Variants in CTBP2 observed in about 807,000 individuals in gnomAD.
The protein encoded by CTBP2 is C-terminal binding protein 2.
A neutral mutation model predicts 80.3 loss-of-function variants in CTBP2; 30 were observed. The ratio of observed to expected loss-of-function variants is 0.37; its 90% CI spans 0.28 to 0.51. CTBP2 has a LOEUF of 0.51. CTBP2 is among the 20% of genes least tolerant of loss of function. The pLI, the probability that CTBP2 is intolerant of heterozygous loss-of-function variation, is 0.93. For synonymous variants in CTBP2, 594 were observed against 587.4 expected, an observed-to-expected ratio of 1.01 and a Z score of -0.16; for missense variants, 1,212 against 1,375.3, an observed-to-expected ratio of 0.88 and a Z score of 1.88.
chr10:125,093,337 C>A (rs779061331), intron 2 of CTBP2, among the ~76,000 whole-genome samples: 14 of 152,182 alleles, frequency 9.2e-5, no homozygotes, highest in African/African-American at 2.9e-4. Flanking sequence ...AGAATTCCAG[C>A]GGCCAAATGT....
intron 2 of CTBP2, among the ~76,000 whole-genome samples, chr10:125,094,393 A>G (rs1849237075): frequency 6.6e-6 from 1 of 152,200 alleles, no homozygotes; most frequent in Non-Finnish European, 1.5e-5. Flanking sequence ...TTCCATCTGC[A>G]ATCAAGGAGA....
chr10:125,030,596 A>C (rs1380562844), upstream of CTBP2, among the ~76,000 whole-genome samples: 3 of 152,254 alleles, frequency 2.0e-5, no homozygotes, highest in African/African-American at 7.2e-5. Context: ...AAACTGCTTG[A>C]AATGAGAGAG....
intron 2 of CTBP2, among the ~76,000 whole-genome samples, chr10:125,062,291 A>G (rs1282200922): frequency 6.6e-6 from 1 of 152,222 alleles, no homozygotes; most frequent in Non-Finnish European, 1.5e-5. Flanking sequence ...CTTTTATTTT[A>G]GGAAAATACA....
intron 4 of CTBP2, chr10:124,996,412 C>T (rs1317994371): frequency 6.6e-6 from 1 of 152,296 alleles, no homozygotes; most frequent in Non-Finnish European, 1.5e-5. Flanking sequence ...CAGCGACAGT[C>T]CTGAAGGCTA....
chr10:125,049,018 C>G (rs1021825060), intron 2 of CTBP2, among the ~76,000 whole-genome samples: 1 of 150,446 alleles, frequency 6.6e-6, no homozygotes, highest in East Asian at 2.0e-4. Context: ...AATGTGCTCT[C>G]TGGCCTCAAT....
At chr10:125,154,147 T>C (rs1459815154) in intron 1 of CTBP2, among the ~76,000 whole-genome samples, 1 of 152,246 alleles carries the variant, frequency 6.6e-6, no homozygotes, top group African/African-American at 2.4e-5. Context: ...AGGAGAGCTT[T>C]GGAGGAAGCA....
At chr10:125,136,236 C>T (rs1042700945) in intron 1 of CTBP2, among the ~76,000 whole-genome samples, 1 of 152,150 alleles carries the variant, frequency 6.6e-6, no homozygotes, top group Non-Finnish European at 1.5e-5. Flanking sequence ...GGGAGGGAGG[C>T]CCAGGCTGGC....
intron 1 of CTBP2, among the ~76,000 whole-genome samples, chr10:125,025,753 C>A (rs1444011534): frequency 1.3e-5 from 2 of 152,216 alleles, no homozygotes; most frequent in African/African-American, 4.8e-5. Flanking sequence ...GAGCTCAAGG[C>A]TGCAGTCTGT....
At chr10:125,020,496 GAGAC>G (rs1008943102) in intron 1 of CTBP2, among the ~76,000 whole-genome samples, 1 of 152,238 alleles carries the variant, frequency 6.6e-6, no homozygotes. Flanking sequence ...GGGCCTTGTG[GAGAC>G]AGACAGAAGA....
chr10:125,076,977 G>A (rs1846362052), intron 2 of CTBP2, among the ~76,000 whole-genome samples: 1 of 152,174 alleles, frequency 6.6e-6, no homozygotes. Context: ...TAACCCTGCA[G>A]TGATGTCATC....
At chr10:125,020,733 C>T (rs183488434) in intron 1 of CTBP2, among the ~76,000 whole-genome samples, 10 of 152,330 alleles carry the variant, frequency 6.6e-5, no homozygotes, top group South Asian at 6.2e-4. Flanking sequence ...CAGCCTGTTA[C>T]GCACAAGGCC....
exon 1 of CTBP2, chr10:125,160,408 C>CGGCGGT (rs1255009572): frequency 5.4e-4 from 78 of 145,040 alleles, no homozygotes; most frequent in African/African-American, 8.7e-4. Context: ...CCCCACCCGG[C>CGGCGGT]GGCGGTGGCG....
intron 1 of CTBP2, among the ~76,000 whole-genome samples, chr10:125,010,303 A>G (rs1253931020): frequency 6.6e-6 from 1 of 151,052 alleles, no homozygotes. Flanking sequence ...TTCATTTGGC[A>G]AATGGGCTTT....
At chr10:125,008,142 C>T (rs11593113) in intron 1 of CTBP2, among the ~76,000 whole-genome samples, 11,257 of 152,232 alleles carry the variant, frequency 0.074, 546 homozygotes, top group Admixed American at 0.14. Context: ...GACAGGGTTT[C>T]GCGATGTTGG....
intron 2 of CTBP2, among the ~76,000 whole-genome samples, chr10:125,106,254 G>A (rs1851438005): frequency 7.0e-6 from 1 of 143,196 alleles, no homozygotes; most frequent in South Asian, 2.2e-4. Context: ...CCACAACCCT[G>A]GGTGTGGGGA....
At position 125,022,519 on chromosome 10, in the gene CTBP2, A is replaced by G. The variant is rs138419308; in HGVS notation, c.1678+3563T>C. 7.0e-5 allele frequency among the ~76,000 whole-genome samples: 10 copies of G among 143,620 alleles called. No homozygotes were observed. In the East Asian group the frequency reaches 1.7e-3, roughly 25 times the overall value. 94.2% of individuals were successfully genotyped at this position (143,620 alleles called of 152,430 possible). Reference sequence around the variant, plus strand: ...GGAAGGAAGGAAGGAACAGCAGGGGACAGGTCAATGAGGAAGGAAGGAAGA... The same window carrying G: ...GGAAGGAAGGAAGGAACAGCAGGGGGCAGGTCAATGAGGAAGGAAGGAAGA... On this transcript the variant is annotated intron_variant, in intron 1 of 8. Coordinates refer to ENST00000309035, the MANE Select transcript of CTBP2 (RefSeq NM_022802.3).
chr10:125,125,253 C>A (rs530322127), intron 1 of CTBP2, among the ~76,000 whole-genome samples: 1 of 152,344 alleles, frequency 6.6e-6, no homozygotes, highest in East Asian at 1.9e-4. Flanking sequence ...TCTCATAAGT[C>A]AATGACCTAC....
intron 1 of CTBP2, among the ~76,000 whole-genome samples, chr10:125,016,453 ACCCTGAGTAGCCTGTAGCCTGG>A (rs2134489570): frequency 6.6e-6 from 1 of 152,218 alleles, no homozygotes; most frequent in African/African-American, 2.4e-5. Context: ...CCGCAAAAGG[ACCCTGAGTAGCCTGTAGCCTGG>A]CAGACCCAGT....
intron 2 of CTBP2, among the ~76,000 whole-genome samples, chr10:125,061,393 C>T (rs925906069): frequency 3.3e-5 from 5 of 152,182 alleles, no homozygotes; most frequent in East Asian, 1.9e-4. Flanking sequence ...CACTGGCAGC[C>T]GCCCTGCTCC....
Sources: allele counts gnomAD v4.1 joint callset (sites outside exome capture counted in the v4.1 genomes callset), GRCh38; gene constraint gnomAD v4.1.1; transcripts MANE v1.5; gene names NCBI Gene and HGNC (gene_info 2026-07-23, HGNC 2026-07-21).